Variants in AGPAT1 observed in about 807,000 individuals in gnomAD.
AGPAT1 encodes the protein 1-acyl-sn-glycerol-3-phosphate acyltransferase alpha.
AGPAT1 carries 6 observed loss-of-function variants against 31.2 expected under a neutral mutation model. The observed-to-expected ratio is 0.19, with a 90% CI of 0.11 to 0.38. The LOEUF (loss-of-function observed/expected upper bound fraction) is 0.38, where lower values mean the gene tolerates loss of function less well. Ranked by LOEUF, AGPAT1 falls within the 10% of genes least tolerant of loss-of-function variation. The probability of loss-of-function intolerance (pLI) is 1.00; values close to 1 mark genes in which losing one functional copy is unlikely to be tolerated. For missense variants in AGPAT1, 187 were observed against 377.8 expected (o/e 0.49, Z 4.19); for synonymous variants, 139 against 154.0 (o/e 0.90, Z 0.72).
At position 32,176,024 on chromosome 6, in the gene AGPAT1, C is replaced by CA; in HGVS notation, c.-221dup. ...TAGGAATGGTGGGGGGCTGTCCCCCCAGCACCCTCCCTCCCTCCCTTTCTG... is the reference window on the plus strand; with the variant it reads ...TAGGAATGGTGGGGGGCTGTCCCCCCAAGCACCCTCCCTCCCTCCCTTTCTG... On this transcript the variant is annotated 5_prime_UTR_variant, in exon 1 of 7. Coordinates refer to ENST00000375107, the MANE Select transcript of AGPAT1 (RefSeq NM_006411.4). The CA allele has an allele frequency of 1.0e-6, 1 of 985,206 alleles. No homozygotes were observed. The highest frequency in any genetic ancestry group is 1.2e-6 in the Non-Finnish European group (1 of 829,786). 61.0% of individuals were successfully genotyped at this position (985,206 alleles called of 1,614,324 possible).
upstream of AGPAT1, chr6:32,176,249 T>G (rs896100246): frequency 2.8e-6 from 2 of 722,166 alleles, no homozygotes; most frequent in Admixed American, 1.3e-4. Context: ...GGGCTCTCCC[T>G]CGGTCTTTGC....
At position 32,169,936 on chromosome 6, in the gene AGPAT1, C is replaced by T; in HGVS notation, c.679+30G>A. On this transcript the variant is annotated intron_variant, in intron 6 of 6. Coordinates refer to ENST00000375107, the MANE Select transcript of AGPAT1 (RefSeq NM_006411.4). The surrounding 1 kb of genome is among the most constrained non-coding windows in gnomAD (Gnocchi z 5.9). The stretch of plus-strand genomic sequence containing the variant: ...TGTCCTCCCAGCCTCTCCGGACACA[C>T]CCTACCCCAGAACTGCTCAAAGCCC... 6.3e-7 allele frequency: 1 copy of T among 1,596,848 alleles called. No individual in the cohort carries two copies. The highest frequency in any genetic ancestry group is 8.6e-7 in the Non-Finnish European group (1 of 1,166,374).
Position 32,175,239 on chromosome 6 carries a change from AAC to A in AGPAT1, c.-10+573_-10+574del, listed in dbSNP as rs1425234312. Among the ~76,000 whole-genome samples the A allele has an allele frequency of 1.3e-5, 2 of 152,170 alleles. No homozygotes were observed. Among genetic ancestry groups the A allele is most frequent in the Non-Finnish European group, 2.9e-5 (2 of 68,024 alleles). ...AGAATGGGCAATTCTGATAGAAAATAACACACCATTTCTACACAGCCTATGGA... is the reference window on the plus strand; with the variant it reads ...AGAATGGGCAATTCTGATAGAAAATAACACCATTTCTACACAGCCTATGGA... On this transcript the variant is annotated intron_variant, in intron 1 of 6. Transcript: ENST00000375107. This position sits in a 1 kb window ranked among gnomAD's most constrained non-coding sequence, Gnocchi z 4.5.
Position 32,170,771 on chromosome 6 carries a change from T to C in AGPAT1, c.334+166A>G, listed in dbSNP as rs1033748989. ...AGGGTGACCAAAAGTATATGTAACC[T>C]GCTTATGAGGGCAGTTCTACCCAGG... On this transcript the variant is annotated intron_variant, in intron 3 of 6. Coordinates refer to ENST00000375107, the MANE Select transcript of AGPAT1 (RefSeq NM_006411.4). This position sits in a 1 kb window ranked among gnomAD's most constrained non-coding sequence, Gnocchi z 7.7. 2 of 1,222,698 alleles carry C rather than the reference T, an allele frequency of 1.6e-6. No individual in the cohort carries two copies. Among genetic ancestry groups the C allele is most frequent in the East Asian group, 2.3e-5 (1 of 42,786 alleles). The allele number at this position is 1,222,698 out of a possible 1,614,324, so 75.7% of individuals were successfully genotyped here.
In AGPAT1 at chr6:32,170,722, G is replaced by A. The variant is rs1157111087; in HGVS notation, c.335-122C>T. On this transcript the variant is annotated intron_variant, in intron 3 of 6. Transcript: ENST00000375107. The surrounding 1 kb of genome is among the most constrained non-coding windows in gnomAD (Gnocchi z 7.7). ...GGAGGTGAAGGAGGAGACTAGGCAG[G>A]GAGGGGGGCCCCAAGTGAAGGAAAG... The A allele has an allele frequency of 1.0e-5, 14 of 1,383,154 alleles. No homozygotes were observed. Among genetic ancestry groups the A allele is most frequent in the Non-Finnish European group, 1.0e-6 (1 of 991,580 alleles). The allele number at this position is 1,383,154 out of a possible 1,614,324, so 85.7% of individuals were successfully genotyped here.
rs2127419302 is a variant in AGPAT1 at position 32,173,444 on chromosome 6, G to A, written c.-9-1939C>T. Among the ~76,000 whole-genome samples, 1 of 152,256 alleles carries A rather than the reference G, an allele frequency of 6.6e-6. No homozygotes were observed. The highest frequency in any genetic ancestry group is 2.1e-4 in the South Asian group (1 of 4,822). ...GCATCATTTCTCCCCTGAACTATGT[G>A]GAGTAGGCTCCCAACTCCCTCCAAT... On this transcript the variant is annotated intron_variant, in intron 1 of 6. Transcript: ENST00000375107. The surrounding 1 kb of genome is among the most constrained non-coding windows in gnomAD (Gnocchi z 4.7).
upstream of AGPAT1, chr6:32,176,228 G>GC (rs1785542945): frequency 1.1e-6 from 1 of 871,914 alleles, no homozygotes; most frequent in African/African-American, 1.8e-5. Context: ...CCTCTTGCGA[G>GC]CCCCGCCCCA....
Position 32,170,730 on chromosome 6 carries a change from GC to G in AGPAT1, c.335-131del. 2.2e-6 allele frequency: 3 copies of G among 1,361,892 alleles called. No individual in the cohort carries two copies. The highest frequency in any genetic ancestry group is 3.1e-6 in the Non-Finnish European group (3 of 973,714). The allele number at this position is 1,361,892 out of a possible 1,614,324, so 84.4% of individuals were successfully genotyped here. ...AGGAGGAGACTAGGCAGGGAGGGGG[GC>G]CCCAAGTGAAGGAAAGGGTGACCAA... On this transcript the variant is annotated intron_variant, in intron 3 of 6. Transcript: ENST00000375107. This position sits in a 1 kb window ranked among gnomAD's most constrained non-coding sequence, Gnocchi z 7.7.
In AGPAT1 at chr6:32,176,028, A is replaced by ACCCT. The variant is rs1163769378; in HGVS notation, c.-228_-225dup. 201 of 847,348 alleles carry ACCCT rather than the reference A, an allele frequency of 2.4e-4. No individual in the cohort carries two copies. The highest frequency in any genetic ancestry group is 1.8e-3 in the South Asian group (33 of 18,474). 52.5% of individuals were successfully genotyped at this position (847,348 alleles called of 1,614,324 possible). On this transcript the variant is annotated 5_prime_UTR_variant, in exon 1 of 7. Coordinates refer to ENST00000375107, the MANE Select transcript of AGPAT1 (RefSeq NM_006411.4). The stretch of plus-strand genomic sequence containing the variant: ...AATGGTGGGGGGCTGTCCCCCCAGC[A>ACCCT]CCCTCCCTCCCTCCCTTTCTGCTGT...
upstream of AGPAT1, chr6:32,176,891 G>A (rs746091089): frequency 1.5e-5 from 6 of 397,258 alleles, no homozygotes; most frequent in Non-Finnish European, 2.7e-5. Flanking sequence ...GAAGAATGCC[G>A]ATTCCTCTGG....
In AGPAT1 at chr6:32,170,830, T is replaced by G; in HGVS notation, c.334+107A>C. 2 of 1,435,400 alleles carry G rather than the reference T, an allele frequency of 1.4e-6. No homozygotes were observed. The highest frequency in any genetic ancestry group is 1.9e-6 in the Non-Finnish European group (2 of 1,043,954). 88.9% of individuals were successfully genotyped at this position (1,435,400 alleles called of 1,614,324 possible). On this transcript the variant is annotated intron_variant, in intron 3 of 6. Transcript: ENST00000375107. This position sits in a 1 kb window ranked among gnomAD's most constrained non-coding sequence, Gnocchi z 7.7. ...GCCTGAGTGGGAGGCAAGGGGGCAA[T>G]GTCCCAGAGGAAGGGGAATTGAGGA...
Position 32,171,634 on chromosome 6 carries a change from G to T in AGPAT1, c.-9-129C>A. On this transcript the variant is annotated intron_variant, in intron 1 of 6. Coordinates refer to ENST00000375107, the MANE Select transcript of AGPAT1 (RefSeq NM_006411.4). The surrounding 1 kb of genome is among the most constrained non-coding windows in gnomAD (Gnocchi z 6.9). ...GCCTGAGACACAAACTGGGGCAGGG[G>T]TCTCATTGAAACCTTCCCAGGAAGG... 2.3e-6 allele frequency: 3 copies of T among 1,308,650 alleles called. No individual in the cohort carries two copies. The highest frequency in any genetic ancestry group is 5.0e-5 in the East Asian group (2 of 39,626). The allele number at this position is 1,308,650 out of a possible 1,614,324, so 81.1% of individuals were successfully genotyped here. A position where few individuals can be genotyped will look rare whatever the true frequency, so the allele number is the denominator to read the frequency against.
rs1305200785 is a variant in AGPAT1, at chr6:32,171,838, T to C, written c.-9-333A>G. The C allele has an allele frequency of 2.1e-6, 1 of 481,466 alleles. No homozygotes were observed. The highest frequency in any genetic ancestry group is 3.5e-5 in the Admixed American group (1 of 28,210). The allele number at this position is 481,466 out of a possible 1,614,324, so 29.8% of individuals were successfully genotyped here. A position where few individuals can be genotyped will look rare whatever the true frequency, so the allele number is the denominator to read the frequency against. ...ACACTTGTAGCTGGTAAGGGTCTTATAATGGTCTATACTTGTGCTGTCCGA... is the reference window on the plus strand; with the variant it reads ...ACACTTGTAGCTGGTAAGGGTCTTACAATGGTCTATACTTGTGCTGTCCGA... On this transcript the variant is annotated intron_variant, in intron 1 of 6. Transcript: ENST00000375107. The surrounding 1 kb of genome is among the most constrained non-coding windows in gnomAD (Gnocchi z 6.9).
In AGPAT1 at chr6:32,168,220, T is replaced by C. The variant is rs550052694; in HGVS notation, c.*1056A>G. 2 of 485,412 alleles carry C rather than the reference T, an allele frequency of 4.1e-6. No homozygotes were observed. Among genetic ancestry groups the C allele is most frequent in the East Asian group, 6.2e-5 (2 of 32,132 alleles). The allele number at this position is 485,412 out of a possible 1,614,324, so 30.1% of individuals were successfully genotyped here. A position where few individuals can be genotyped will look rare whatever the true frequency, so the allele number is the denominator to read the frequency against. ...AACCACCAACACCCAGATCTCTCTC[T>C]CTCTTTATTTTCAGTTTTTTTGCTG... On this transcript the variant is annotated 3_prime_UTR_variant, in exon 7 of 7. Transcript: ENST00000375107. This position sits in a 1 kb window ranked among gnomAD's most constrained non-coding sequence, Gnocchi z 4.5.
chr6:32,170,400 C>T lies in AGPAT1; in HGVS notation c.510+25G>A. 6.2e-7 allele frequency: 1 copy of T among 1,613,710 alleles called. No individual in the cohort carries two copies. Among genetic ancestry groups the T allele is most frequent in the Non-Finnish European group, 8.5e-7 (1 of 1,179,936 alleles). On this transcript the variant is annotated intron_variant, in intron 4 of 6. Coordinates refer to ENST00000375107, the MANE Select transcript of AGPAT1 (RefSeq NM_006411.4). The surrounding 1 kb of genome is among the most constrained non-coding windows in gnomAD (Gnocchi z 7.7). ...CTGTTCTACTCTGTATCCCTCCAAT[C>T]CCCCATTTCCCCAGGATGACTCACG... is the stretch of plus-strand genomic sequence containing the variant.
rs763791055 is a variant in AGPAT1, at chr6:32,171,840, A to G, written c.-9-335T>C. On this transcript the variant is annotated intron_variant, in intron 1 of 6. Transcript: ENST00000375107. This position sits in a 1 kb window ranked among gnomAD's most constrained non-coding sequence, Gnocchi z 6.9. ...ACTTGTAGCTGGTAAGGGTCTTATAATGGTCTATACTTGTGCTGTCCGAGA... is the reference window on the plus strand; with the variant it reads ...ACTTGTAGCTGGTAAGGGTCTTATAGTGGTCTATACTTGTGCTGTCCGAGA... 3 of 472,462 alleles carry G rather than the reference A, an allele frequency of 6.3e-6. No homozygotes were observed. Among genetic ancestry groups the G allele is most frequent in the Non-Finnish European group, 1.2e-5 (3 of 259,174 alleles). The allele number at this position is 472,462 out of a possible 1,614,324, so 29.3% of individuals were successfully genotyped here.
Position 32,169,172 on chromosome 6 carries a change from A to C in AGPAT1, c.*104T>G. ...TCCAAAGAGGAGAATAAGTGGGGAG[A>C]GGGGAGACAAGGAAGAGGGTTTGGC... On this transcript the variant is annotated 3_prime_UTR_variant, in exon 7 of 7. Coordinates refer to ENST00000375107, the MANE Select transcript of AGPAT1 (RefSeq NM_006411.4). This position sits in a 1 kb window ranked among gnomAD's most constrained non-coding sequence, Gnocchi z 5.9. The C allele has an allele frequency of 8.3e-7, 1 of 1,202,272 alleles. No homozygotes were observed. Among genetic ancestry groups the C allele is most frequent in the Non-Finnish European group, 1.2e-6 (1 of 841,368 alleles). 74.5% of individuals were successfully genotyped at this position (1,202,272 alleles called of 1,614,324 possible). A position where few individuals can be genotyped will look rare whatever the true frequency, so the allele number is the denominator to read the frequency against.
upstream of AGPAT1, chr6:32,176,506 C>G (rs1195711812): frequency 2.0e-6 from 2 of 985,582 alleles, no homozygotes; most frequent in Non-Finnish European, 2.4e-6. Context: ...AAGCATCTAC[C>G]TACCATATGA....
Position 32,171,167 on chromosome 6 carries a change from A to G in AGPAT1, c.201-97T>C, listed in dbSNP as rs2127415113. The G allele has an allele frequency of 6.3e-7, 1 of 1,588,176 alleles. No homozygotes were observed. The highest frequency in any genetic ancestry group is 1.7e-4 in the Middle Eastern group (1 of 5,936). Reference sequence around the variant, plus strand: ...TTACTGTCTTTCTGACCACCTTTGCAGTCCTCTCCCCATTCCCTGTCTCTG... The same window carrying G: ...TTACTGTCTTTCTGACCACCTTTGCGGTCCTCTCCCCATTCCCTGTCTCTG... On this transcript the variant is annotated intron_variant, in intron 2 of 6. Coordinates refer to ENST00000375107, the MANE Select transcript of AGPAT1 (RefSeq NM_006411.4). The surrounding 1 kb of genome is among the most constrained non-coding windows in gnomAD (Gnocchi z 6.9).
Sources: gnomAD v4.1 joint callset for allele counts (sites outside exome capture counted in the v4.1 genomes callset) on GRCh38, gnomAD v4.1.1 for gene constraint, Gnocchi (gnomAD v3.1) non-coding constraint, MANE v1.5 for transcripts, NCBI Gene and HGNC (gene_info 2026-07-23, HGNC 2026-07-21) for gene names.